The following HPSE2 variants were observed in gnomAD, a reference collection of about 807,000 sequenced individuals.
HPSE2 encodes the protein heparanase 2 (inactive).
HPSE2 carries 38 observed loss-of-function variants against 60.5 expected under a neutral mutation model. The observed-to-expected ratio is 0.63, with a 90% CI of 0.48 to 0.82. The LOEUF is 0.82. HPSE2 is among the 40% of genes least tolerant of loss of function. The pLI is 0.00. For missense variants in HPSE2, 713 were observed against 740.4 expected (o/e 0.96, Z 0.43); for synonymous variants, 295 against 293.2 (o/e 1.01, Z -0.06).
At chr10:99,082,231 G>T (rs7921055) in intron 3 of HPSE2, among the ~76,000 whole-genome samples, 128,114 of 152,096 alleles carry the variant, frequency 0.84, 55,020 homozygotes, top group South Asian at 0.97. Flanking sequence ...AATCTAAACC[G>T]ATCAGAAAAA....
chr10:99,170,936 A>G (rs1254249472), intron 2 of HPSE2, among the ~76,000 whole-genome samples: 1 of 152,232 alleles, frequency 6.6e-6, no homozygotes, highest in Non-Finnish European at 1.5e-5. Context: ...TTTACATAGT[A>G]TTTACATTGT....
At chr10:99,093,000 T>G (rs1843569964) in intron 3 of HPSE2, among the ~76,000 whole-genome samples, 1 of 152,114 alleles carries the variant, frequency 6.6e-6, no homozygotes, top group Non-Finnish European at 1.5e-5. Flanking sequence ...GAGGTCGAAG[T>G]GGGCAGATCA....
In HPSE2 at chr10:99,232,405, G is replaced by A. The variant is rs761385611; in HGVS notation, c.391C>T (p.Pro131Ser). The change falls in exon 2 of 12, where the codon CCG (proline) becomes TCG (serine). Residue 131 changes from proline (P) to serine (S), a missense_variant. Pro to Ser is a moderately conservative substitution (Grantham distance 74). Coordinates refer to ENST00000370552, the MANE Select transcript of HPSE2 (RefSeq NM_021828.5). ...DFLQFQNLRN[P>S]AKSRGGPGPD... ...CCCGGGCCCCCGCGGCTTTTCGCCG[G>A]GTTCCTCAGGTTCTGGAACTGCAGG... The A allele has an allele frequency of 1.9e-6, 3 of 1,552,250 alleles. No homozygotes were observed. The highest frequency in any genetic ancestry group is 2.6e-6 in the Non-Finnish European group (3 of 1,147,468).
rs145931919 is a variant in HPSE2 at position 98,704,140 on chromosome 10, T to C, written c.957-10193A>G. 3.5e-4 allele frequency among the ~76,000 whole-genome samples: 53 copies of C among 152,202 alleles called. 1 individual carries two copies. Among genetic ancestry groups the C allele is most frequent in the East Asian group, 1.2e-3 (6 of 5,178 alleles). The stretch of plus-strand genomic sequence containing the variant: ...CACCAATAGACAAACAGCCAAATCA[T>C]GAATGAACTCCTATTCGCAATTGCT... On this transcript the variant is annotated intron_variant, in intron 5 of 11. Coordinates refer to ENST00000370552, the MANE Select transcript of HPSE2 (RefSeq NM_021828.5).
At chr10:98,871,047 C>T (rs1220611462) in intron 3 of HPSE2, among the ~76,000 whole-genome samples, 2 of 151,974 alleles carry the variant, frequency 1.3e-5, no homozygotes, top group Admixed American at 1.3e-4. Context: ...TGTAAGCTTC[C>T]TGAAGCCCTC....
upstream of HPSE2, among the ~76,000 whole-genome samples, chr10:99,236,405 C>T (rs905464923): frequency 2.0e-5 from 3 of 152,022 alleles, no homozygotes; most frequent in Non-Finnish European, 4.4e-5. Context: ...GGATAGAGTT[C>T]CCACCGACAG....
intron 3 of HPSE2, among the ~76,000 whole-genome samples, chr10:98,797,056 T>C (rs1950794032): frequency 1.3e-5 from 2 of 151,994 alleles, no homozygotes; most frequent in Admixed American, 1.3e-4. Context: ...CTATAATAAA[T>C]ACCCAATTAT....
intron 3 of HPSE2, among the ~76,000 whole-genome samples, chr10:98,874,745 G>T (rs1026517345): frequency 1.3e-5 from 2 of 152,018 alleles, no homozygotes; most frequent in Non-Finnish European, 1.5e-5. Flanking sequence ...CTGGCTGTGG[G>T]TTTGTCATAA....
the HPSE2 span, among the ~76,000 whole-genome samples, chr10:99,269,730 C>A: frequency 1.3e-5 from 2 of 152,228 alleles, no homozygotes; most frequent in East Asian, 3.9e-4. Context: ...TCATAGGCCA[C>A]AAAACAAGCC....
intron 9 of HPSE2, among the ~76,000 whole-genome samples, chr10:98,525,365 A>G (rs1213359626): frequency 3.3e-5 from 5 of 152,142 alleles, no homozygotes; most frequent in Non-Finnish European, 5.9e-5. Flanking sequence ...TTTAGTCCCC[A>G]CCCAAACAAC....
intron 3 of HPSE2, among the ~76,000 whole-genome samples, chr10:98,752,597 A>C (rs1387438052): frequency 1.6e-4 from 24 of 152,196 alleles, no homozygotes; most frequent in Admixed American, 1.5e-3. Flanking sequence ...TAAAGTAAAA[A>C]TAAACGTGTT....
intron 3 of HPSE2, among the ~76,000 whole-genome samples, chr10:99,044,564 G>C (rs1957812294): frequency 6.6e-6 from 1 of 152,116 alleles, no homozygotes; most frequent in African/African-American, 2.4e-5. Context: ...AAAGTGGCAA[G>C]CTGAATAAGA....
At chr10:98,603,470 G>A (rs940913290) in intron 9 of HPSE2, among the ~76,000 whole-genome samples, 4 of 142,392 alleles carry the variant, frequency 2.8e-5, no homozygotes, top group Non-Finnish European at 4.5e-5. Flanking sequence ...TTGCTCTGTC[G>A]CCAGGCTGGA....
chr10:98,981,017 T>C (rs2135299077), intron 3 of HPSE2, among the ~76,000 whole-genome samples: 1 of 152,234 alleles, frequency 6.6e-6, no homozygotes, highest in South Asian at 2.1e-4. Flanking sequence ...TCATGGAATC[T>C]CTAGCCAAAG....
chr10:99,171,819 A>G (rs1182031560), intron 2 of HPSE2, among the ~76,000 whole-genome samples: 3 of 145,936 alleles, frequency 2.1e-5, no homozygotes, highest in East Asian at 4.0e-4. Flanking sequence ...TTCTGTGACT[A>G]AAAAAAAAAA....
intron 3 of HPSE2, among the ~76,000 whole-genome samples, chr10:98,767,986 T>C (rs940475420): frequency 8.0e-5 from 12 of 150,584 alleles, no homozygotes; most frequent in Admixed American, 5.3e-4. Context: ...TAAAAATAAC[T>C]ATCTGTTTAT....
At chr10:99,265,109 C>T in the HPSE2 span, among the ~76,000 whole-genome samples, 1 of 152,196 alleles carries the variant, frequency 6.6e-6, no homozygotes, top group Non-Finnish European at 1.5e-5. Flanking sequence ...ATAGCCTTAA[C>T]TGATGACATT....
At chr10:99,179,606 A>G (rs1030746026) in intron 2 of HPSE2, among the ~76,000 whole-genome samples, 1 of 152,214 alleles carries the variant, frequency 6.6e-6, no homozygotes, top group Non-Finnish European at 1.5e-5. Context: ...AGGAAATAAG[A>G]GAGGACACAA....
intron 9 of HPSE2, among the ~76,000 whole-genome samples, chr10:98,600,607 GA>G (rs1396303132): frequency 6.6e-6 from 1 of 151,394 alleles, no homozygotes; most frequent in African/African-American, 2.4e-5. Context: ...GGAGAAGGAG[GA>G]AAAAAAGACA....
Sources: gnomAD v4.1 joint callset for allele counts (sites outside exome capture counted in the v4.1 genomes callset) on GRCh38, gnomAD v4.1.1 for gene constraint, MANE v1.5 for transcripts, NCBI Gene and HGNC (gene_info 2026-07-23, HGNC 2026-07-21) for gene names.